The following WRN variants were observed in gnomAD, a reference collection of about 807,000 sequenced individuals.
The protein encoded by WRN is WRN RecQ like helicase.
Under a neutral mutation model 180.7 loss-of-function variants are expected in WRN, and 149 were observed. That is an observed-to-expected ratio of 0.82 (90% CI 0.72 to 0.94). The LOEUF (loss-of-function observed/expected upper bound fraction) is 0.94. WRN is among the 40% of genes least tolerant of loss of function. The pLI is 0.00. For missense variants in WRN, 1,661 were observed against 1,700.1 expected (o/e 0.98, Z 0.40); for synonymous variants, 548 against 568.9 (o/e 0.96, Z 0.52).
At chr8:31,128,371 A>G (rs902640934) in intron 23 of WRN, among the ~76,000 whole-genome samples, 1 of 152,168 alleles carries the variant, frequency 6.6e-6, no homozygotes, top group African/African-American at 2.4e-5. Flanking sequence ...AAGTATTTTT[A>G]CTTCATGACC....
At chr8:31,092,459 G>GTA (rs1250115288) in intron 16 of WRN, among the ~76,000 whole-genome samples, 9 of 149,408 alleles carry the variant, frequency 6.0e-5, no homozygotes, top group East Asian at 5.9e-4. Flanking sequence ...GTGTGTGTGT[G>GTA]TATATGTACA....
chr8:31,094,454 T>C (rs562781398), intron 16 of WRN, among the ~76,000 whole-genome samples: 3 of 151,762 alleles, frequency 2.0e-5, no homozygotes, highest in South Asian at 4.2e-4. Flanking sequence ...CAATTGATCC[T>C]CCCACCTCAG....
At chr8:31,136,236 G>A (rs182622169) in intron 24 of WRN, among the ~76,000 whole-genome samples, 6 of 152,118 alleles carry the variant, frequency 3.9e-5, no homozygotes, top group South Asian at 2.1e-4. Context: ...CAAGTGATCC[G>A]CCCACCTTGG....
chr8:31,080,914 G>C lies in WRN; in HGVS notation c.887G>C (p.Arg296Thr). The C allele has an allele frequency of 6.2e-7, 1 of 1,612,626 alleles. No individual in the cohort carries two copies. The highest frequency in any genetic ancestry group is 8.5e-7 in the Non-Finnish European group (1 of 1,179,620). Residue 296 changes from arginine (R) to threonine (T), a missense_variant, in exon 9 of 35, where the codon AGG (arginine) becomes ACG (threonine). Coordinates refer to ENST00000298139, the MANE Select transcript of WRN (RefSeq NM_000553.6). ...ATTTCAGAAAATCTATATTCACTGA[G>C]GAGGATGATAATTGGGTCTACTAAC... is the stretch of plus-strand genomic sequence containing the variant. ...KDISENLYSL[R>T]RMIIGSTNIE...
intron 34 of WRN, 33 bp from the exon 35 acceptor site, chr8:31,172,962 G>T (rs1335023588): frequency 1.9e-6 from 3 of 1,605,208 alleles, no homozygotes; most frequent in African/African-American, 1.3e-5. Flanking sequence ...GTAGTACAAA[G>T]ATTTGATTTC....
At chr8:31,159,336 G>T (rs1159912693) in intron 33 of WRN, among the ~76,000 whole-genome samples, 1 of 151,590 alleles carries the variant, frequency 6.6e-6, no homozygotes, top group African/African-American at 2.4e-5. Flanking sequence ...AACAGTAGAC[G>T]CTGGGGACTA....
chr8:31,120,254 T>C lies in WRN; in HGVS notation c.2460T>C (p.Ala820=), dbSNP rs1800393. 6.2e-7 allele frequency: 1 copy of C among 1,612,538 alleles called. No homozygotes were observed. The highest frequency in any genetic ancestry group is 1.3e-5 in the African/African-American group (1 of 74,868). Residue 820 remains alanine (A), a synonymous_variant, in exon 21 of 35, where the codon GCT becomes GCC. Coordinates refer to ENST00000298139, the MANE Select transcript of WRN (RefSeq NM_000553.6). The part of the protein sequence containing the change: ...FVRDEIQCVI[A]TIAFGMGINK... ...TGATTTGTTCTCAGTGTGTCATAGC[T>C]ACCATAGCTTTTGGAATGGGCATTA...
chr8:31,059,928 C>T (rs11574183), intron 3 of WRN, among the ~76,000 whole-genome samples: 1,912 of 151,686 alleles, frequency 0.013, 39 homozygotes, highest in African/African-American at 0.044. Flanking sequence ...TGGTGGCGTG[C>T]GCCTGTAGTC....
At chr8:31,080,244 G>A (rs1276950449) in intron 8 of WRN, among the ~76,000 whole-genome samples, 1 of 152,094 alleles carries the variant, frequency 6.6e-6, no homozygotes, top group Non-Finnish European at 1.5e-5. Flanking sequence ...TATATGTCAA[G>A]GCTTTTTCAT....
chr8:31,091,861 T>G lies in WRN; in HGVS notation c.1861T>G (p.Ser621Ala). 3 of 1,613,272 alleles carry G rather than the reference T, an allele frequency of 1.9e-6. No homozygotes were observed. Among genetic ancestry groups the G allele is most frequent in the Non-Finnish European group, 2.5e-6 (3 of 1,179,398 alleles). The change falls in exon 16 of 35, where the codon TCA (serine) becomes GCA (alanine). Residue 621 changes from serine to alanine, a missense_variant. Physicochemically the swap from Ser to Ala is moderately conservative, Grantham distance 99. This residue lies in a region of WRN where 1,141 missense variants were observed against 1,149.4 expected (regional missense o/e 0.99). Coordinates refer to ENST00000298139, the MANE Select transcript of WRN (RefSeq NM_000553.6). ...CAACATCCCAGCTTGCTTCCTTGGA[T>G]CAGCACAGTCAGAAAATGTTCTAAC... ...MSNIPACFLG[S>A]AQSENVLTDI...
rs201973593 is a variant in WRN at position 31,174,866 on chromosome 8, C to CTCTT, written c.*1780_*1783dup. Reference sequence around the variant, plus strand: ...CTCCCTCCCTCCTTTCTTTTTCTTTCTCTTTCTTTCTTTCTTTCTCTCTCT... The same window carrying CTCTT: ...CTCCCTCCCTCCTTTCTTTTTCTTTCTCTTTCTTTCTTTCTTTCTTTCTCTCTCT... On this transcript the variant is annotated 3_prime_UTR_variant, in exon 35 of 35. Coordinates refer to ENST00000298139, the MANE Select transcript of WRN (RefSeq NM_000553.6). 4.4e-4 allele frequency among the ~76,000 whole-genome samples: 43 copies of CTCTT among 97,780 alleles called. No individual in the cohort carries two copies. The highest frequency in any genetic ancestry group is 1.3e-3 in the East Asian group (4 of 2,992). 64.1% of individuals were successfully genotyped at this position (97,780 alleles called of 152,430 possible). A position where few individuals can be genotyped will look rare whatever the true frequency, so the allele number is the denominator to read the frequency against.
chr8:31,160,522 T>C (rs1293827079), intron 33 of WRN, among the ~76,000 whole-genome samples: 4 of 152,228 alleles, frequency 2.6e-5, no homozygotes, highest in Non-Finnish European at 4.4e-5. Context: ...AAACCTTTGT[T>C]TCTCCAGTGC....
intron 24 of WRN, among the ~76,000 whole-genome samples, chr8:31,140,005 T>TTTTTG: frequency 3.8e-5 from 1 of 26,662 alleles, no homozygotes; most frequent in Non-Finnish European, 8.7e-5. Flanking sequence ...ACTTCTTTGT[T>TTTTTG]TTTTTTTTTT....
At chr8:31,035,781 G>C (rs1454568056) in intron 1 of WRN, among the ~76,000 whole-genome samples, 1 of 152,050 alleles carries the variant, frequency 6.6e-6, no homozygotes, top group East Asian at 1.9e-4. Context: ...CTCATTTAAA[G>C]TGTGCAATAC....
intron 4 of WRN, 61 bp downstream of exon 4, chr8:31,064,495 C>T (rs1024166954): frequency 1.9e-6 from 3 of 1,607,678 alleles, no homozygotes; most frequent in African/African-American, 1.3e-5. Flanking sequence ...AACTTTATCC[C>T]TATAAAATTA....
rs777084349 is a variant in WRN at position 31,090,435 on chromosome 8, C to A, written c.1653-30C>A. The stretch of plus-strand genomic sequence containing the variant: ...TACCTTGGGTTTCTTATTAATAAAA[C>A]AAAATAGCTTTTTGCTTTTCACCTT... On this transcript the variant is annotated intron_variant, in intron 13 of 34. Coordinates refer to ENST00000298139, the MANE Select transcript of WRN (RefSeq NM_000553.6). 2.5e-6 allele frequency: 4 copies of A among 1,602,872 alleles called. No individual in the cohort carries two copies. In the African/African-American group the frequency reaches 4.0e-5, roughly 16 times the overall value.
At chr8:31,065,327 T>G (rs1812654609) in intron 5 of WRN, among the ~76,000 whole-genome samples, 1 of 152,146 alleles carries the variant, frequency 6.6e-6, no homozygotes, top group Admixed American at 6.6e-5. Flanking sequence ...TACAGATTAT[T>G]TTATCACCCG....
intron 1 of WRN, among the ~76,000 whole-genome samples, chr8:31,048,403 A>G (rs1811951081): frequency 6.6e-6 from 1 of 152,126 alleles, no homozygotes; most frequent in Non-Finnish European, 1.5e-5. Context: ...TGGTTCATTG[A>G]AAAGTAGAAA....
intron 21 of WRN, among the ~76,000 whole-genome samples, chr8:31,121,856 TAG>T (rs1801737185): frequency 6.6e-6 from 1 of 152,022 alleles, no homozygotes. Context: ...TGTTTTCCTT[TAG>T]ACAGTTGTAT....
Sources: gnomAD v4.1 joint callset for allele counts (sites outside exome capture counted in the v4.1 genomes callset) on GRCh38, gnomAD v4.1.1 for gene constraint, gnomAD v4.1.1 regional missense constraint, MANE v1.5 for transcripts, NCBI Gene and HGNC (gene_info 2026-07-23, HGNC 2026-07-21) for gene names.